The following UNK variants were observed in gnomAD, a reference collection of about 807,000 sequenced individuals.
The protein encoded by UNK is RING finger protein unkempt homolog.
In UNK, 32 loss-of-function variants were observed where a neutral mutation model predicts 97.6. The observed-to-expected ratio is 0.33, with a 90% CI of 0.25 to 0.44. UNK has a LOEUF of 0.44. Ranked by LOEUF, UNK falls within the 20% of genes least tolerant of loss-of-function variation. UNK has a pLI of 1.00. For missense variants in UNK, 771 were observed against 1,098.4 expected, an observed-to-expected ratio of 0.70 and a Z score of 4.21; for synonymous variants, 441 against 461.2, an observed-to-expected ratio of 0.96 and a Z score of 0.56.
In UNK at chr17:75,817,281, C is replaced by A. The variant is rs779702011; in HGVS notation, c.1105-45C>A. Reference sequence around the variant, plus strand: ...GGTGGAGGATGGGCCACGCACCAGCCTGCGCTGTGCCCACGGGCCCACTCC... The same window carrying A: ...GGTGGAGGATGGGCCACGCACCAGCATGCGCTGTGCCCACGGGCCCACTCC... On this transcript the variant is annotated intron_variant, in intron 8 of 15. Transcript: ENST00000589666. This position sits in a 1 kb window ranked among gnomAD's most constrained non-coding sequence, Gnocchi z 5.8. 6.6e-7 allele frequency: 1 copy of A among 1,519,600 alleles called. No individual in the cohort carries two copies. The highest frequency in any genetic ancestry group is 2.3e-5 in the East Asian group (1 of 43,976). The allele number at this position is 1,519,600 out of a possible 1,614,324, so 94.1% of individuals were successfully genotyped here. A position where few individuals can be genotyped will look rare whatever the true frequency, so the allele number is the denominator to read the frequency against.
chr17:75,805,177 C>T (rs1027483755), intron 1 of UNK, among the ~76,000 whole-genome samples: 1 of 129,816 alleles, frequency 7.7e-6, no homozygotes, highest in African/African-American at 3.2e-5. Context: ...GAGACTCCAT[C>T]TCAAAAAAAA....
In UNK at chr17:75,784,877, G is replaced by A; in HGVS notation, c.-4G>A. The A allele has an allele frequency of 6.3e-7, 1 of 1,598,826 alleles. No individual in the cohort carries two copies. The highest frequency in any genetic ancestry group is 8.5e-7 in the Non-Finnish European group (1 of 1,173,870). On this transcript the variant is annotated 5_prime_UTR_variant, in exon 1 of 16. Coordinates refer to ENST00000589666, the MANE Select transcript of UNK (RefSeq NM_001080419.3). ...GAGCGGCGAAGAGGCAGGAAGACAA[G>A]ACCATGTCGAAGGGCCCCGGGCCCG...
At position 75,817,528 on chromosome 17, in the gene UNK, T is replaced by TA; in HGVS notation, c.1305+4dup. The TA allele has an allele frequency of 6.2e-7, 1 of 1,603,562 alleles. No individual in the cohort carries two copies. ...TACCTGAAAAATTTCAAATGCCAGG[T>TA]AAGGGATGAGGGAGGCAGCAGTGAG... is the stretch of plus-strand genomic sequence containing the variant. On this transcript the variant is annotated splice_region_variant and intron_variant, in intron 9 of 15. Transcript: ENST00000589666. The surrounding 1 kb of genome is among the most constrained non-coding windows in gnomAD (Gnocchi z 5.8).
At chr17:75,790,227 G>A (rs2061751373) in intron 1 of UNK, among the ~76,000 whole-genome samples, 3 of 152,008 alleles carry the variant, frequency 2.0e-5, no homozygotes, top group African/African-American at 4.8e-5. Context: ...AACCCAGGAG[G>A]CGGGGGTTGC....
chr17:75,806,279 C>A (rs1370229601), intron 1 of UNK, among the ~76,000 whole-genome samples: 1 of 149,402 alleles, frequency 6.7e-6, no homozygotes, highest in Non-Finnish European at 1.5e-5. Context: ...ATGGTGAAAC[C>A]CCGTCTCTAC....
chr17:75,813,008 T>C, intron 4 of UNK, 70 bp from the exon 5 acceptor site: 1 of 1,503,788 alleles, frequency 6.6e-7, no homozygotes, highest in Non-Finnish European at 8.9e-7. Flanking sequence ...TTCCCTCCAC[T>C]CCAGTCCTGC....
intron 1 of UNK, among the ~76,000 whole-genome samples, chr17:75,796,936 T>C (rs2061811362): frequency 1.3e-5 from 2 of 152,228 alleles, no homozygotes; most frequent in Admixed American, 1.3e-4. Context: ...TGAATTATGA[T>C]CTCAGTGACT....
At chr17:75,808,345 C>T (rs2061937475) in intron 1 of UNK, among the ~76,000 whole-genome samples, 3 of 152,196 alleles carry the variant, frequency 2.0e-5, no homozygotes, top group Admixed American at 2.0e-4. Flanking sequence ...AGATTTCTGC[C>T]TGGGGTCTTC....
intron 2 of UNK, among the ~76,000 whole-genome samples, chr17:75,811,666 C>T (rs1000872903): frequency 1.3e-4 from 20 of 152,144 alleles, no homozygotes; most frequent in African/African-American, 4.8e-4. Context: ...TCCTAGTGCA[C>T]CTTCCAGGCC....
chr17:75,813,963 A>G, intron 6 of UNK, 85 bp downstream of exon 6: 2 of 1,206,966 alleles, frequency 1.7e-6, no homozygotes, highest in East Asian at 5.2e-5. Context: ...GGCAGAACCC[A>G]TCCTGATGCC....
chr17:75,801,345 A>G (rs1205767303), intron 1 of UNK, among the ~76,000 whole-genome samples: 1 of 152,066 alleles, frequency 6.6e-6, no homozygotes, highest in East Asian at 1.9e-4. Flanking sequence ...TTTGGTGGCA[A>G]AGCACCCAAT....
chr17:75,812,791 T>G (rs1599381614), intron 4 of UNK, among the ~76,000 whole-genome samples: 1 of 152,366 alleles, frequency 6.6e-6, no homozygotes, highest in Non-Finnish European at 1.5e-5. Flanking sequence ...GGCTTTCACA[T>G]GTGCACAGGC....
intron 1 of UNK, among the ~76,000 whole-genome samples, chr17:75,798,187 C>T (rs1004259287): frequency 2.0e-5 from 3 of 151,924 alleles, no homozygotes; most frequent in South Asian, 2.1e-4. Flanking sequence ...TCTCCTGCCT[C>T]AGCCTCCCGA....
At position 75,809,937 on chromosome 17, in the gene UNK, C is replaced by T. The variant is rs756599207; in HGVS notation, c.282C>T (p.Asp94=). ...CTGACGTCTACTGCACCAAGTACGA[C>T]GAGGCTACAGGCCTCTGCCCGGAGG... ...YSPDVYCTKY[D]EATGLCPEGD... is the part of the protein sequence containing the mutation. Residue 94 remains aspartate (D), a synonymous_variant, in exon 2 of 16, where the codon GAC becomes GAT. Transcript: ENST00000589666. The T allele has an allele frequency of 2.0e-5, 33 of 1,613,580 alleles. No individual in the cohort carries two copies. The South Asian group carries it at 2.1e-4, about 10-fold the overall frequency.
Position 75,793,698 on chromosome 17 carries a change from A to G in UNK, c.104+8714A>G, listed in dbSNP as rs905863686. ...TCACAGTTTGCTTTTCATGTGCATA[A>G]GTTGACTCATTTGTTTCCTGTTAGC... is the stretch of plus-strand genomic sequence containing the variant. On this transcript the variant is annotated intron_variant, in intron 1 of 15. Coordinates refer to ENST00000589666, the MANE Select transcript of UNK (RefSeq NM_001080419.3). The G allele has an allele frequency of 8.1e-6, 8 of 985,324 alleles. No individual in the cohort carries two copies. The Admixed American group carries it at 2.5e-4, about 30-fold the overall frequency. The allele number at this position is 985,324 out of a possible 1,614,324, so 61.0% of individuals were successfully genotyped here.
At position 75,818,812 on chromosome 17, in the gene UNK, C is replaced by T. The variant is rs770717974; in HGVS notation, c.1542C>T (p.Val514=). Residue 514 remains valine (V), a synonymous_variant, in exon 11 of 16, where the codon GTC becomes GTT. Transcript: ENST00000589666. The surrounding 1 kb of genome is among the most constrained non-coding windows in gnomAD (Gnocchi z 5.1). ...CCACCAGCGACACGGTAGAGTCAGTCATAGGTAACTAGGCCATTTCTGTTT... is the reference window on the plus strand; with the variant it reads ...CCACCAGCGACACGGTAGAGTCAGTTATAGGTAACTAGGCCATTTCTGTTT... ...FYPTSDTVES[V]IESALDDLDL... The T allele has an allele frequency of 6.3e-7, 1 of 1,599,808 alleles. No individual in the cohort carries two copies. The highest frequency in any genetic ancestry group is 1.1e-5 in the South Asian group (1 of 88,820).
Position 75,824,066 on chromosome 17 carries a change from G to T in UNK, c.2278-196G>T, listed in dbSNP as rs1314879871. ...AGCCTCTCTGAGGGGTGGGTCTTGT[G>T]GCAGCCTGGCCATGCCCCATGCAGA... is the stretch of plus-strand genomic sequence containing the variant. On this transcript the variant is annotated intron_variant, in intron 15 of 15. Transcript: ENST00000589666. This position sits in a 1 kb window ranked among gnomAD's most constrained non-coding sequence, Gnocchi z 4.9. Among the ~76,000 whole-genome samples the T allele has an allele frequency of 6.6e-6, 1 of 152,208 alleles. No homozygotes were observed. Among genetic ancestry groups the T allele is most frequent in the Non-Finnish European group, 1.5e-5 (1 of 68,030 alleles).
chr17:75,785,277 C>CA (rs2061698367), intron 1 of UNK: 1 of 364,462 alleles, frequency 2.7e-6, no homozygotes, highest in Non-Finnish European at 5.0e-6. Flanking sequence ...CCTAACTGTT[C>CA]CTCAGACCAT....
chr17:75,792,741 T>C (rs897990256), intron 1 of UNK: 2 of 153,628 alleles, frequency 1.3e-5, no homozygotes, highest in African/African-American at 4.8e-5. Context: ...TTAGATATGG[T>C]GAAGGTTACA....
Sources: allele counts gnomAD v4.1 joint callset (sites outside exome capture counted in the v4.1 genomes callset), GRCh38; gene constraint gnomAD v4.1.1; non-coding constraint Gnocchi (gnomAD v3.1); transcripts MANE v1.5; gene names NCBI Gene and HGNC (gene_info 2026-07-23, HGNC 2026-07-21).